PRKN: variants seen among roughly 807,000 people sequenced by gnomAD.
PRKN encodes the protein E3 ubiquitin-protein ligase parkin.
PRKN carries 56 observed loss-of-function variants against 59.5 expected under a neutral mutation model. That is an observed-to-expected ratio of 0.94 (90% CI 0.76 to 1.18). The LOEUF (loss-of-function observed/expected upper bound fraction) is 1.18. PRKN is among the 50% of genes most tolerant of loss of function. The pLI is 0.00. For missense variants in PRKN, 657 were observed against 596.4 expected (o/e 1.10, Z -1.06); for synonymous variants, 250 against 222.1 (o/e 1.13, Z -1.12).
At chr6:162,402,509 G>C (rs2128150331) in intron 2 of PRKN, among the ~76,000 whole-genome samples, 1 of 151,458 alleles carries the variant, frequency 6.6e-6, no homozygotes, top group Middle Eastern at 3.4e-3. Context: ...ATTGTCTCGG[G>C]GTATAAGACT....
At chr6:162,358,031 C>A (rs1332440722) in intron 2 of PRKN, among the ~76,000 whole-genome samples, 1 of 152,064 alleles carries the variant, frequency 6.6e-6, no homozygotes, top group African/African-American at 2.4e-5. Flanking sequence ...GAATGTACAA[C>A]ACAAAGAATG....
chr6:162,259,461 C>T (rs1779794393), intron 3 of PRKN, among the ~76,000 whole-genome samples: 1 of 152,172 alleles, frequency 6.6e-6, no homozygotes, highest in Non-Finnish European at 1.5e-5. Context: ...TTTTTCTCGC[C>T]ATTCTGGCCA....
At chr6:162,075,922 T>A (rs1778804821) in intron 4 of PRKN, among the ~76,000 whole-genome samples, 1 of 151,602 alleles carries the variant, frequency 6.6e-6, no homozygotes, top group South Asian at 2.1e-4. Flanking sequence ...TTCTTGCCCC[T>A]TACTGTCCTG....
chr6:161,949,647 A>G (rs1382831736), intron 6 of PRKN, among the ~76,000 whole-genome samples: 1 of 152,188 alleles, frequency 6.6e-6, no homozygotes, highest in Admixed American at 6.5e-5. Flanking sequence ...TCCCTGAGAT[A>G]TAACTACAGC....
chr6:162,196,322 A>G (rs537709944), intron 4 of PRKN, among the ~76,000 whole-genome samples: 1 of 152,280 alleles, frequency 6.6e-6, no homozygotes, highest in South Asian at 2.1e-4. Flanking sequence ...TTGTTGATAT[A>G]AATTGGTGCT....
At chr6:161,787,459 T>C (rs939144440) in intron 6 of PRKN, among the ~76,000 whole-genome samples, 1 of 152,190 alleles carries the variant, frequency 6.6e-6, no homozygotes, top group Non-Finnish European at 1.5e-5. Context: ...CACATACTTT[T>C]TTCACTTTGC....
intron 10 of PRKN, among the ~76,000 whole-genome samples, chr6:161,374,352 G>A (rs972045060): frequency 6.6e-6 from 1 of 151,690 alleles, no homozygotes; most frequent in Non-Finnish European, 1.5e-5. Context: ...TTATGTATAT[G>A]TGTGCGCCGT....
intron 2 of PRKN, among the ~76,000 whole-genome samples, chr6:162,330,537 C>T (rs1783523070): frequency 6.6e-6 from 1 of 152,204 alleles, no homozygotes; most frequent in Admixed American, 6.5e-5. Flanking sequence ...GAGTCTGTCA[C>T]TCAGGGCATC....
chr6:162,727,511 GC>G, intron 1 of PRKN, 150 bp downstream of exon 1: 1 of 844,966 alleles, frequency 1.2e-6, no homozygotes, highest in Non-Finnish European at 1.8e-6. Context: ...GAGCTGGGGA[GC>G]CCGGCGGCGC....
rs1194855087 is a variant in PRKN, at chr6:161,492,144, G to C, written c.1083+56710C>G. ...ATCACTCTATAAGTGAAAGCACTTT[G>C]TTAAGACCTAAATCAATGTTAATTA... On this transcript the variant is annotated intron_variant, in intron 9 of 11. Transcript: ENST00000366898. 6.9e-5 allele frequency among the ~76,000 whole-genome samples: 4 copies of C among 58,218 alleles called. No homozygotes were observed. In the East Asian group the frequency reaches 3.0e-3, roughly 43 times the overall value. The allele number at this position is 58,218 out of a possible 152,430, so 38.2% of individuals were successfully genotyped here.
intron 7 of PRKN, among the ~76,000 whole-genome samples, chr6:161,694,790 A>G (rs1005433289): frequency 4.6e-5 from 7 of 151,118 alleles, no homozygotes; most frequent in African/African-American, 1.7e-4. Context: ...ACAGATTTCA[A>G]TGCAAACTAA....
intron 2 of PRKN, among the ~76,000 whole-genome samples, chr6:162,376,197 C>A (rs532836481): frequency 6.6e-6 from 1 of 152,194 alleles, no homozygotes; most frequent in East Asian, 1.9e-4. Flanking sequence ...GGATTTGCCT[C>A]CAAAGAACAC....
intron 1 of PRKN, among the ~76,000 whole-genome samples, chr6:162,724,253 C>A (rs1779040503): frequency 6.6e-6 from 1 of 152,158 alleles, no homozygotes; most frequent in Admixed American, 6.5e-5. Flanking sequence ...ATCTTGAAGT[C>A]CTTCTCCACA....
intron 6 of PRKN, among the ~76,000 whole-genome samples, chr6:161,954,366 T>C (rs1217433592): frequency 6.6e-6 from 1 of 152,222 alleles, no homozygotes; most frequent in Non-Finnish European, 1.5e-5. Flanking sequence ...GCCACATCAC[T>C]GATGCCGCCA....
intron 2 of PRKN, among the ~76,000 whole-genome samples, chr6:162,351,322 CT>C (rs1784616178): frequency 6.6e-6 from 1 of 152,146 alleles, no homozygotes; most frequent in Admixed American, 6.6e-5. Context: ...AAATAAGTAC[CT>C]GAGAAGATGC....
intron 1 of PRKN, among the ~76,000 whole-genome samples, chr6:162,459,799 A>C (rs1211691294): frequency 6.6e-6 from 1 of 152,226 alleles, no homozygotes; most frequent in Non-Finnish European, 1.5e-5. Flanking sequence ...AATGATTCGG[A>C]ACTTTCTAGT....
intron 1 of PRKN, among the ~76,000 whole-genome samples, chr6:162,659,310 A>C (rs1778790777): frequency 2.1e-5 from 1 of 48,120 alleles, no homozygotes; most frequent in South Asian, 4.7e-4. Flanking sequence ...GTTTCATTCC[A>C]ATTTGATTTG....
Position 161,407,159 on chromosome 6 carries a change from T to C in PRKN, c.1084-20282A>G, listed in dbSNP as rs564335446. On this transcript the variant is annotated intron_variant, in intron 9 of 11. Transcript: ENST00000366898. The surrounding 1 kb of genome is among the most constrained non-coding windows in gnomAD (Gnocchi z 4.9). ...TATTTTTATAAATATGGTTTCACAA[T>C]TTTTTACAGAGTCATAATCTACATG... is the stretch of plus-strand genomic sequence containing the variant. Among the ~76,000 whole-genome samples, 8 of 152,174 alleles carry C rather than the reference T, an allele frequency of 5.3e-5. No individual in the cohort carries two copies. Among genetic ancestry groups the C allele is most frequent in the Non-Finnish European group, 1.2e-4 (8 of 68,030 alleles).
chr6:162,296,195 A>G (rs1196149676), intron 2 of PRKN, among the ~76,000 whole-genome samples: 2 of 151,814 alleles, frequency 1.3e-5, no homozygotes, highest in African/African-American at 4.8e-5. Context: ...CAGTCGCCTT[A>G]AAACAGAATG....
Sources: allele counts gnomAD v4.1 joint callset (sites outside exome capture counted in the v4.1 genomes callset), GRCh38; gene constraint gnomAD v4.1.1; non-coding constraint Gnocchi (gnomAD v3.1); transcripts MANE v1.5; gene names NCBI Gene and HGNC (gene_info 2026-07-23, HGNC 2026-07-21).